The following FAH variants were observed in gnomAD, a reference collection of about 807,000 sequenced individuals.
FAH encodes fumarylacetoacetase.
Under a neutral mutation model 55.8 loss-of-function variants are expected in FAH, and 47 were observed. The ratio of observed to expected loss-of-function variants is 0.84; its 90% CI spans 0.67 to 1.07. The LOEUF is 1.07. Among genes scored for constraint, FAH ranks in the 50% least tolerant of loss-of-function variants. The pLI is 0.00. For missense variants in FAH, 495 were observed against 545.9 expected, an observed-to-expected ratio of 0.91 and a Z score of 0.93; for synonymous variants, 199 against 207.7, an observed-to-expected ratio of 0.96 and a Z score of 0.36.
At chr15:80,177,049 TGTA>T (rs2041290144) in intron 10 of FAH, among the ~76,000 whole-genome samples, 2 of 152,314 alleles carry the variant, frequency 1.3e-5, no homozygotes, top group South Asian at 4.1e-4. Context: ...GTACCTTGCA[TGTA>T]GTAGATGTTT....
chr15:80,183,429 G>C (rs1293602262), intron 13 of FAH, among the ~76,000 whole-genome samples: 1 of 152,252 alleles, frequency 6.6e-6, no homozygotes, highest in Non-Finnish European at 1.5e-5. Context: ...TGGTGTGTCA[G>C]CTGTGTTACC....
At chr15:80,173,254 G>T in intron 9 of FAH, 110 bp downstream of exon 9, 1 of 1,439,418 alleles carries the variant, frequency 6.9e-7, no homozygotes, top group Non-Finnish European at 9.7e-7. Context: ...GGGAAGCTCT[G>T]TGCCCACGGC....
At chr15:80,171,263 G>T (rs1241733975) in intron 7 of FAH, among the ~76,000 whole-genome samples, 2 of 150,802 alleles carry the variant, frequency 1.3e-5, no homozygotes, top group African/African-American at 4.9e-5. Flanking sequence ...CCCCACAACA[G>T]ACTGGATTAA....
At chr15:80,155,065 C>T (rs187974944) in intron 1 of FAH, among the ~76,000 whole-genome samples, 7 of 152,320 alleles carry the variant, frequency 4.6e-5, no homozygotes, top group East Asian at 1.9e-4. Flanking sequence ...TTCCTTCTGC[C>T]TGGAATACTC....
intron 5 of FAH, chr15:80,162,907 C>T (rs1330503011): frequency 5.3e-6 from 1 of 189,834 alleles, no homozygotes; most frequent in Non-Finnish European, 1.1e-5. Context: ...AGGCCATTGA[C>T]CAAGCTGAGG....
At chr15:80,157,668 G>A (rs566069736) in intron 1 of FAH, 5 of 336,974 alleles carry the variant, frequency 1.5e-5, no homozygotes, top group African/African-American at 6.4e-5. Flanking sequence ...CCTAGTCAAG[G>A]CCTAGAAACC....
chr15:80,160,564 G>C (rs759021556), intron 4 of FAH, 105 bp downstream of exon 4: 12 of 1,082,694 alleles, frequency 1.1e-5, no homozygotes, highest in Admixed American at 7.0e-5. Flanking sequence ...CCCTGCTGGT[G>C]GGGGGAGATG....
chr15:80,160,550 G>A, intron 4 of FAH, 91 bp downstream of exon 4: 1 of 1,240,666 alleles, frequency 8.1e-7, no homozygotes, highest in Non-Finnish European at 1.2e-6. Context: ...TCTGTGTGGA[G>A]GGTCCCTGCT....
chr15:80,186,341 A>C lies in FAH; in HGVS notation c.*132A>C, dbSNP rs1252537348. The C allele has an allele frequency of 1.3e-6, 1 of 751,140 alleles. No homozygotes were observed. The allele number at this position is 751,140 out of a possible 1,614,324, so 46.5% of individuals were successfully genotyped here. ...AAAGCCATTGTGCTCTGAGGCCTGC[A>C]CTGCCGCAGATGCAGCTGTGTCCAC... On this transcript the variant is annotated 3_prime_UTR_variant, in exon 14 of 14. Coordinates refer to ENST00000561421, the MANE Select transcript of FAH (RefSeq NM_000137.4).
chr15:80,154,931 A>G (rs138697730), intron 1 of FAH, among the ~76,000 whole-genome samples: 81 of 152,284 alleles, frequency 5.3e-4, no homozygotes, highest in South Asian at 1.2e-3. Flanking sequence ...GCCTTGTTAA[A>G]GTCCCCGTGG....
intron 7 of FAH, 79 bp from the exon 8 acceptor site, chr15:80,172,070 C>T: frequency 9.8e-7 from 1 of 1,025,424 alleles, no homozygotes; most frequent in Non-Finnish European, 1.6e-6. Context: ...TTGGAAATAC[C>T]TGACCTTTGC....
At chr15:80,186,087 G>A in intron 13 of FAH, 43 bp from the exon 14 acceptor site, 1 of 1,560,432 alleles carries the variant, frequency 6.4e-7, no homozygotes, top group Non-Finnish European at 8.8e-7. Flanking sequence ...GTTCCGGTGA[G>A]CCCAGCAACT....
At chr15:80,167,096 C>A (rs1415168460) in intron 5 of FAH, 1 of 151,218 alleles carries the variant, frequency 6.6e-6, no homozygotes, top group Non-Finnish European at 1.5e-5. Context: ...TTTGTTTGTA[C>A]ATTTAGATCT....
intron 2 of FAH, among the ~76,000 whole-genome samples, chr15:80,158,371 C>T (rs1006571098): frequency 6.6e-6 from 1 of 152,246 alleles, no homozygotes; most frequent in Non-Finnish European, 1.5e-5. Context: ...GGTGGCTTCT[C>T]ACCTCAGGGC....
chr15:80,180,910 C>A (rs555718259), intron 12 of FAH, 132 bp from the exon 13 acceptor site: 7 of 706,446 alleles, frequency 9.9e-6, no homozygotes, highest in Non-Finnish European at 1.8e-5. Flanking sequence ...CCACCAAGGC[C>A]GAGGCAGGGT....
chr15:80,172,934 C>G, intron 8 of FAH, 80 bp from the exon 9 acceptor site: 13 of 1,599,968 alleles, frequency 8.1e-6, no homozygotes, highest in Non-Finnish European at 1.1e-5. Context: ...GTCTCTGCTC[C>G]TTGGTCAAGG....
rs369845634 is a variant in FAH, at chr15:80,186,245, GCACC to G, written c.*38_*41del. 0.14 allele frequency: 212,333 copies of G among 1,563,414 alleles called. 15,243 individuals are homozygous for G. Among genetic ancestry groups the G allele is most frequent in the Admixed American group, 0.15 (8,904 of 59,914 alleles). On this transcript the variant is annotated 3_prime_UTR_variant, in exon 14 of 14. Coordinates refer to ENST00000561421, the MANE Select transcript of FAH (RefSeq NM_000137.4). ...GCTCTTCTGGAAACAAAGGGCTCAA[GCACC>G]CCTTTCAACCCTGTGACTGGGGTCC...
At chr15:80,159,642 G>A in intron 2 of FAH, 114 bp from the exon 3 acceptor site, 1 of 1,218,810 alleles carries the variant, frequency 8.2e-7, no homozygotes, top group Non-Finnish European at 1.2e-6. Context: ...GAGAGTTTGA[G>A]TTAGCGGGAG....
chr15:80,172,117 T>C, intron 7 of FAH, 32 bp from the exon 8 acceptor site: 1 of 1,524,170 alleles, frequency 6.6e-7, no homozygotes, highest in Non-Finnish European at 9.1e-7. Flanking sequence ...GCAGATCAGC[T>C]CCAGATTCTA....
Sources: gnomAD v4.1 joint callset for allele counts (sites outside exome capture counted in the v4.1 genomes callset) on GRCh38, gnomAD v4.1.1 for gene constraint, MANE v1.5 for transcripts, NCBI Gene and HGNC (gene_info 2026-07-23, HGNC 2026-07-21) for gene names.